Variants in EXD2 observed in about 807,000 individuals in gnomAD.
EXD2 encodes the protein exonuclease 3'-5' domain-containing protein 2.
EXD2 carries 40 observed loss-of-function variants against 62.5 expected under a neutral mutation model. That is an observed-to-expected ratio of 0.64 (90% CI 0.50 to 0.83). EXD2 has a LOEUF of 0.83. EXD2 is among the 40% of genes least tolerant of loss of function. The pLI, the probability that EXD2 is intolerant of heterozygous loss-of-function variation, is 0.00. For missense variants in EXD2, 671 were observed against 761.8 expected (o/e 0.88, Z 1.40); for synonymous variants, 239 against 291.9 (o/e 0.82, Z 1.85).
intron 7 of EXD2, 77 bp downstream of exon 7, chr14:69,236,229 A>C (rs2043780703): frequency 6.6e-7 from 1 of 1,509,420 alleles, no homozygotes; most frequent in African/African-American, 1.4e-5. Context: ...TGAGATAAGG[A>C]AGAGGGAGGG....
At chr14:69,215,878 C>T (rs2140258188) in intron 3 of EXD2, among the ~76,000 whole-genome samples, 1 of 148,346 alleles carries the variant, frequency 6.7e-6, no homozygotes, top group East Asian at 2.0e-4. Context: ...TTTACATATT[C>T]TGCATATGAA....
chr14:69,219,956 CA>C (rs2043112897), intron 3 of EXD2, among the ~76,000 whole-genome samples: 1 of 152,040 alleles, frequency 6.6e-6, no homozygotes, highest in African/African-American at 2.4e-5. Flanking sequence ...ATAATATCTG[CA>C]GTAGGTTTGT....
At chr14:69,197,397 C>T (rs758736179) in intron 1 of EXD2, among the ~76,000 whole-genome samples, 3 of 151,232 alleles carry the variant, frequency 2.0e-5, no homozygotes, top group Non-Finnish European at 4.4e-5. Flanking sequence ...GTTGTCTTTT[C>T]GCTGTCTCGA....
chr14:69,230,509 C>G lies in EXD2; in HGVS notation c.628C>G (p.Leu210Val), dbSNP rs781102008. ...CTGTAATGGGCTTAGCCTGAAGTCC[C>G]TCGCTGAGACTGTTTTGAACTTTCC... ...LLCNGLSLKSLAETVLNFPLD... is the reference protein window; with the variant it reads ...LLCNGLSLKSVAETVLNFPLD... The change falls in exon 5 of 10, where the codon CTC becomes GTC. Residue 210 changes from leucine to valine, a missense_variant. Coordinates refer to ENST00000685843, the MANE Select transcript of EXD2 (RefSeq NM_001193360.2). 1.2e-6 allele frequency: 2 copies of G among 1,613,786 alleles called. No homozygotes were observed. Among genetic ancestry groups the G allele is most frequent in the Non-Finnish European group, 1.7e-6 (2 of 1,179,860 alleles).
chr14:69,233,829 G>A (rs997925734), intron 5 of EXD2, among the ~76,000 whole-genome samples: 2 of 149,174 alleles, frequency 1.3e-5, no homozygotes, highest in Non-Finnish European at 3.0e-5. Flanking sequence ...GCAGTGGCAC[G>A]GTCTCAGCTC....
At chr14:69,200,871 C>T (rs1011022252) in intron 1 of EXD2, among the ~76,000 whole-genome samples, 1 of 151,848 alleles carries the variant, frequency 6.6e-6, no homozygotes, top group African/African-American at 2.4e-5. Context: ...GTCAGGAGTT[C>T]GAGACCAGCC....
chr14:69,196,814 G>A (rs571005329), intron 1 of EXD2, among the ~76,000 whole-genome samples: 2 of 151,464 alleles, frequency 1.3e-5, no homozygotes, highest in South Asian at 4.2e-4. Context: ...TTTGAGGCAG[G>A]GTCTCACTAT....
chr14:69,237,940 C>T lies in EXD2; in HGVS notation c.1649+9C>T, dbSNP rs2043855537. The T allele has an allele frequency of 6.5e-7, 1 of 1,539,436 alleles. No homozygotes were observed. The highest frequency in any genetic ancestry group is 1.4e-5 in the African/African-American group (1 of 72,242). The stretch of plus-strand genomic sequence containing the variant: ...GCCAGCCTGGAGACCAGGTACAAAG[C>T]ACAGGAATTGTGGAATGTACCAGGG... On this transcript the variant is annotated intron_variant, in intron 9 of 9. Transcript: ENST00000685843.
chr14:69,227,944 T>C (rs1229464679), intron 3 of EXD2: 2 of 152,094 alleles, frequency 1.3e-5, no homozygotes, highest in African/African-American at 4.8e-5. Flanking sequence ...TTTCTTTTTA[T>C]GAAAGCCATT....
chr14:69,238,611 T>G (rs1326737355), intron 9 of EXD2, among the ~76,000 whole-genome samples: 1 of 152,048 alleles, frequency 6.6e-6, no homozygotes, highest in East Asian at 1.9e-4. Context: ...TTTTTTTTTT[T>G]TTTTTCCAAA....
At chr14:69,206,576 C>T (rs2042612498) in intron 2 of EXD2, among the ~76,000 whole-genome samples, 2 of 150,924 alleles carry the variant, frequency 1.3e-5, no homozygotes, top group Admixed American at 1.3e-4. Flanking sequence ...ACCTCCCCGG[C>T]TCAAGCTATC....
intron 1 of EXD2, among the ~76,000 whole-genome samples, chr14:69,200,070 C>G (rs914493467): frequency 3.9e-5 from 6 of 152,254 alleles, no homozygotes; most frequent in African/African-American, 1.4e-4. Flanking sequence ...TATGATGTCA[C>G]TAGGCAATAG....
chr14:69,227,145 C>T (rs115742536), intron 3 of EXD2, among the ~76,000 whole-genome samples: 1,639 of 152,196 alleles, frequency 0.011, 34 homozygotes, highest in African/African-American at 0.038. Flanking sequence ...CTTTTTTGTA[C>T]ATTGTAGGAT....
rs75739780 is a variant in EXD2, at chr14:69,194,946, C to T, written c.-132+3355C>T. On this transcript the variant is annotated intron_variant, in intron 1 of 9. Transcript: ENST00000685843. ...TCTTTTAAGAGATGGGAGCCGGGCG[C>T]GGTGGCTTACGCCTGTAATCCCAGC... is the stretch of plus-strand genomic sequence containing the variant. Among the ~76,000 whole-genome samples the T allele has an allele frequency of 3.0e-3, 452 of 152,152 alleles. 5 individuals are homozygous for T. The highest frequency in any genetic ancestry group is 0.01 in the African/African-American group (417 of 41,528).
chr14:69,192,309 G>C (rs2042056792), intron 1 of EXD2, among the ~76,000 whole-genome samples: 1 of 152,042 alleles, frequency 6.6e-6, no homozygotes, highest in Non-Finnish European at 1.5e-5. Context: ...TATTTTCTTA[G>C]TTCTGTTCCA....
chr14:69,221,909 TAA>T (rs60647735), intron 3 of EXD2, among the ~76,000 whole-genome samples: 791 of 52,002 alleles, frequency 0.015, 7 homozygotes, highest in African/African-American at 0.038. Context: ...CTGTCTCTAC[TAA>T]AAAAAAAAAA....
intron 1 of EXD2, among the ~76,000 whole-genome samples, chr14:69,197,676 G>A (rs115986423): frequency 0.011 from 1,602 of 152,186 alleles, 27 homozygotes; most frequent in African/African-American, 0.035. Flanking sequence ...GTGAGAACAC[G>A]CAGTATTTGG....
At position 69,228,968 on chromosome 14, in the gene EXD2, G is replaced by C; in HGVS notation, c.486G>C (p.Leu162Phe). 4.3e-6 allele frequency: 7 copies of C among 1,614,200 alleles called. No homozygotes were observed. The highest frequency in any genetic ancestry group is 5.9e-6 in the Non-Finnish European group (7 of 1,180,036). The part of the protein sequence containing the change: ...LLDILADGTI[L>F]KVGVGCSEDA... ...ATATTTTGGCAGATGGCACCATTTT[G>C]AAAGTTGGAGTGGGATGCTCAGAAG... The change falls in exon 4 of 10, where the codon TTG becomes TTC. Residue 162 changes from leucine (L) to phenylalanine (F), a missense_variant. By Grantham distance (22) the Leu-to-Phe change is conservative. Transcript: ENST00000685843.
intron 5 of EXD2, among the ~76,000 whole-genome samples, chr14:69,232,193 C>T (rs1371366020): frequency 6.6e-6 from 1 of 152,134 alleles, no homozygotes; most frequent in East Asian, 1.9e-4. Context: ...ATGATTTAAA[C>T]TTTTACTGTC....
Sources: gnomAD v4.1 joint callset for allele counts (sites outside exome capture counted in the v4.1 genomes callset) on GRCh38, gnomAD v4.1.1 for gene constraint, MANE v1.5 for transcripts, NCBI Gene and HGNC (gene_info 2026-07-23, HGNC 2026-07-21) for gene names.